The following PRCP variants were observed in gnomAD, a reference collection of about 807,000 sequenced individuals.
PRCP encodes the protein prolylcarboxypeptidase, also known as lysosomal Pro-X carboxypeptidase.
A neutral mutation model predicts 54.2 loss-of-function variants in PRCP; 46 were observed. That is an observed-to-expected ratio of 0.85 (90% CI 0.67 to 1.09). PRCP has a LOEUF of 1.09. Among genes scored for constraint, PRCP ranks in the 50% least tolerant of loss-of-function variants. The probability of loss-of-function intolerance (pLI) is 0.00; values close to 1 mark genes in which losing one functional copy is unlikely to be tolerated. For missense variants in PRCP, 613 were observed against 596.8 expected (o/e 1.03, Z -0.28); for synonymous variants, 240 against 212.2 (o/e 1.13, Z -1.14).
chr11:82,872,767 A>G (rs1278981872), intron 1 of PRCP, among the ~76,000 whole-genome samples: 4 of 152,206 alleles, frequency 2.6e-5, no homozygotes, highest in Admixed American at 6.5e-5. Context: ...TAAGCCTCCT[A>G]GTTTGTGATA....
chr11:82,871,557 T>C (rs538298810), intron 1 of PRCP, among the ~76,000 whole-genome samples: 94 of 152,302 alleles, frequency 6.2e-4, no homozygotes, highest in African/African-American at 2.2e-3. Flanking sequence ...TTCTGAGAGA[T>C]AGAGGCTGGT....
At chr11:82,845,461 T>C (rs1016669532) in intron 6 of PRCP, 1 of 152,154 alleles carries the variant, frequency 6.6e-6, no homozygotes, top group Non-Finnish European at 1.5e-5. Context: ...ATTAAGCAGA[T>C]ACATTCAGCT....
intron 1 of PRCP, among the ~76,000 whole-genome samples, chr11:82,875,558 C>G (rs761830613): frequency 6.5e-4 from 99 of 152,324 alleles, no homozygotes; most frequent in Middle Eastern, 3.4e-3. Context: ...AGACAAGGCT[C>G]TTTCATCGTT....
At position 82,877,253 on chromosome 11, in the gene PRCP, T is replaced by C. The variant is rs1408929908; in HGVS notation, c.169-17136A>G. ...ATTCCATTTTAAAAGGGAAACAGCATAAAAGTTCAGAAAATTTGTAGCCTG... is the reference window on the plus strand; with the variant it reads ...ATTCCATTTTAAAAGGGAAACAGCACAAAAGTTCAGAAAATTTGTAGCCTG... On this transcript the variant is annotated intron_variant, in intron 1 of 8. Transcript: ENST00000313010. Among the ~76,000 whole-genome samples the C allele has an allele frequency of 2.0e-5, 3 of 152,272 alleles. No individual in the cohort carries two copies. The South Asian group carries it at 6.2e-4, about 32-fold the overall frequency.
rs941232160 is a variant in PRCP, at chr11:82,839,241, G to T, written c.1086+20C>A. On this transcript the variant is annotated intron_variant, in intron 7 of 8. Coordinates refer to ENST00000313010, the MANE Select transcript of PRCP (RefSeq NM_005040.4). ...GTCAGTGAAAAGTAAGTTCCACTTG[G>T]GGAAATTATACATATTTACCTGATA... is the stretch of plus-strand genomic sequence containing the variant. 6.3e-7 allele frequency: 1 copy of T among 1,594,138 alleles called. No individual in the cohort carries two copies.
At chr11:82,891,429 T>C (rs1309103208) in intron 1 of PRCP, among the ~76,000 whole-genome samples, 1 of 152,204 alleles carries the variant, frequency 6.6e-6, no homozygotes, top group African/African-American at 2.4e-5. Flanking sequence ...CTCAACACAA[T>C]AGCCAAAGTG....
intron 1 of PRCP, among the ~76,000 whole-genome samples, chr11:82,896,752 C>T (rs532928653): frequency 8.6e-5 from 13 of 151,018 alleles, no homozygotes; most frequent in Non-Finnish European, 1.9e-4. Flanking sequence ...AATGCCTGGG[C>T]ATCCAAACTG....
chr11:82,824,626 AAGCAAC>A lies in PRCP; in HGVS notation c.*274_*279del, dbSNP rs1565213869. On this transcript the variant is annotated 3_prime_UTR_variant, in exon 9 of 9. Coordinates refer to ENST00000313010, the MANE Select transcript of PRCP (RefSeq NM_005040.4). ...AGAAAGTAACTCTCCCTCTTATGAA[AAGCAAC>A]CAGGAACTCTACTCCAGTTATGAGG... The A allele has an allele frequency of 7.6e-6, 3 of 392,998 alleles. No individual in the cohort carries two copies. The highest frequency in any genetic ancestry group is 1.4e-5 in the Non-Finnish European group (3 of 214,342). 24.3% of individuals were successfully genotyped at this position (392,998 alleles called of 1,614,324 possible).
At chr11:82,885,188 T>C (rs1353237488) in intron 1 of PRCP, among the ~76,000 whole-genome samples, 2 of 152,246 alleles carry the variant, frequency 1.3e-5, no homozygotes, top group East Asian at 3.8e-4. Flanking sequence ...TGACATGTTT[T>C]TCTTTTTCCT....
chr11:82,827,143 C>A (rs978774437), intron 8 of PRCP: 1 of 152,142 alleles, frequency 6.6e-6, no homozygotes, highest in Non-Finnish European at 1.5e-5. Flanking sequence ...GTTTACAAAG[C>A]CTTATCTATT....
chr11:82,890,957 T>C (rs1859994679), intron 1 of PRCP, among the ~76,000 whole-genome samples: 3 of 152,368 alleles, frequency 2.0e-5, no homozygotes, highest in South Asian at 4.1e-4. Flanking sequence ...GTTGAGAAGA[T>C]CATCTTTAAA....
chr11:82,901,413 C>T (rs896775694), upstream of PRCP: 8 of 164,272 alleles, frequency 4.9e-5, no homozygotes, highest in East Asian at 1.2e-3. Flanking sequence ...GCTTCCAAAG[C>T]TCCCTCAACC....
intron 4 of PRCP, 78 bp downstream of exon 4, chr11:82,850,245 AT>A: frequency 7.7e-7 from 1 of 1,306,990 alleles, no homozygotes; most frequent in Non-Finnish European, 1.0e-6. Context: ...GGCATGGAAC[AT>A]GTTTTACCCA....
rs562148188 is a variant in PRCP, at chr11:82,843,904, G to A, written c.922-4479C>T. Among the ~76,000 whole-genome samples the A allele has an allele frequency of 3.2e-4, 48 of 150,938 alleles. No individual in the cohort carries two copies. The South Asian group carries it at 8.2e-3, about 26-fold the overall frequency. ...TTTAAAAACCATGAATGCAAGAAGC[G>A]TATGATTGGGTTTTCATGCTCACGT... On this transcript the variant is annotated intron_variant, in intron 6 of 8. Coordinates refer to ENST00000313010, the MANE Select transcript of PRCP (RefSeq NM_005040.4).
intron 8 of PRCP, among the ~76,000 whole-genome samples, chr11:82,832,980 G>T (rs780258191): frequency 3.9e-5 from 6 of 152,166 alleles, no homozygotes; most frequent in Non-Finnish European, 8.8e-5. Flanking sequence ...TATAGAAAAA[G>T]ATTTCTTTGT....
intron 1 of PRCP, among the ~76,000 whole-genome samples, chr11:82,873,164 A>C (rs1859520569): frequency 6.6e-6 from 1 of 152,156 alleles, no homozygotes; most frequent in Non-Finnish European, 1.5e-5. Flanking sequence ...CCAGGCTTCA[A>C]GCCAAGGTAT....
chr11:82,831,585 A>G (rs550953429), intron 8 of PRCP: 2 of 152,370 alleles, frequency 1.3e-5, no homozygotes, highest in East Asian at 3.9e-4. Context: ...CTTAACAGAA[A>G]AATCTCCAAT....
upstream of PRCP, chr11:82,900,959 C>A: frequency 7.0e-6 from 3 of 428,530 alleles, no homozygotes; most frequent in Non-Finnish European, 9.5e-6. Context: ...CTAACTAAAT[C>A]GTCACAGCAA....
chr11:82,893,626 T>C (rs1400826053), intron 1 of PRCP, among the ~76,000 whole-genome samples: 1 of 152,052 alleles, frequency 6.6e-6, no homozygotes, highest in African/African-American at 2.4e-5. Flanking sequence ...ATCCCATCTC[T>C]ACAAAAAGAT....
Sources: gnomAD v4.1 joint callset for allele counts (sites outside exome capture counted in the v4.1 genomes callset) on GRCh38, gnomAD v4.1.1 for gene constraint, MANE v1.5 for transcripts, NCBI Gene and HGNC (gene_info 2026-07-23, HGNC 2026-07-21) for gene names.